Variants in CMSS1 observed in about 807,000 individuals in gnomAD.
CMSS1 encodes the protein cms1 ribosomal small subunit homolog.
In CMSS1, 33 loss-of-function variants were observed where a neutral mutation model predicts 43.5. That is an observed-to-expected ratio of 0.76 (90% CI 0.57 to 1.01). CMSS1 has a LOEUF of 1.01. Ranked by LOEUF, CMSS1 falls within the 50% of genes least tolerant of loss-of-function variation. CMSS1 has a pLI of 0.00. For missense variants in CMSS1, 313 were observed against 326.4 expected (o/e 0.96, Z 0.32); for synonymous variants, 115 against 117.2 (o/e 0.98, Z 0.12).
chr3:99,983,458 ATG>A (rs71132503), intron 1 of CMSS1, among the ~76,000 whole-genome samples: 2,366 of 15,622 alleles, frequency 0.15, 92 homozygotes, highest in South Asian at 0.23. Flanking sequence ...ATATATATAT[ATG>A]TGTGTATATA....
chr3:99,894,374 T>A (rs1706184091), intron 1 of CMSS1, among the ~76,000 whole-genome samples: 1 of 152,236 alleles, frequency 6.6e-6, no homozygotes, highest in South Asian at 2.1e-4. Context: ...GTGCCAGGTC[T>A]GGCCAGAGGT....
chr3:100,138,655 G>A (rs2066775951), intron 1 of CMSS1, among the ~76,000 whole-genome samples: 1 of 152,206 alleles, frequency 6.6e-6, no homozygotes, highest in African/African-American at 2.4e-5. Context: ...TCTCATGCAA[G>A]TCAGAATGGC....
intron 1 of CMSS1, among the ~76,000 whole-genome samples, chr3:99,959,682 A>T (rs1238618749): frequency 2.0e-5 from 3 of 152,212 alleles, no homozygotes; most frequent in Admixed American, 1.3e-4. Flanking sequence ...TGTAATAAAG[A>T]TGCTTATTTT....
chr3:99,847,079 A>G (rs1943397291), intron 1 of CMSS1, among the ~76,000 whole-genome samples: 2 of 152,222 alleles, frequency 1.3e-5, no homozygotes, highest in African/African-American at 4.8e-5. Context: ...TGTAAATGGC[A>G]TAATAATCAC....
At chr3:99,866,680 A>C (rs986279670) in intron 1 of CMSS1, among the ~76,000 whole-genome samples, 1 of 152,148 alleles carries the variant, frequency 6.6e-6, no homozygotes, top group Non-Finnish European at 1.5e-5. Context: ...CTGAGTAAAC[A>C]ATTAAATCAT....
intron 1 of CMSS1, among the ~76,000 whole-genome samples, chr3:99,861,375 G>A (rs1473919724): frequency 6.6e-6 from 1 of 152,222 alleles, no homozygotes; most frequent in African/African-American, 2.4e-5. Flanking sequence ...CTCAGCATGT[G>A]ATGCCTTGTA....
intron 1 of CMSS1, among the ~76,000 whole-genome samples, chr3:100,066,519 T>C (rs2065667051): frequency 6.9e-5 from 1 of 14,510 alleles, no homozygotes; most frequent in African/African-American, 2.0e-4. Flanking sequence ...CTTTGCTTCT[T>C]TTTTTTTTTT....
intron 1 of CMSS1, among the ~76,000 whole-genome samples, chr3:99,992,012 G>GTGTGTGTA (rs1553703657): frequency 6.9e-6 from 1 of 145,554 alleles, no homozygotes; most frequent in African/African-American, 2.5e-5. Flanking sequence ...ATGTGTGTGT[G>GTGTGTGTA]TATATATATA....
chr3:100,020,707 A>G (rs1188560566), intron 1 of CMSS1, among the ~76,000 whole-genome samples: 1 of 150,322 alleles, frequency 6.7e-6, no homozygotes, highest in Admixed American at 6.7e-5. Context: ...GCGAGTATAC[A>G]TGTTACTATT....
intron 1 of CMSS1, among the ~76,000 whole-genome samples, chr3:99,838,306 C>T (rs1942980919): frequency 6.6e-6 from 1 of 152,152 alleles, no homozygotes. Context: ...TCTCTTGTCA[C>T]CCTAACAGTG....
chr3:99,834,694 A>G (rs115008419), intron 1 of CMSS1, among the ~76,000 whole-genome samples: 2 of 150,164 alleles, frequency 1.3e-5, no homozygotes, highest in African/African-American at 4.9e-5. Flanking sequence ...TGTCTTTCTC[A>G]TTTCTTCATT....
chr3:100,107,294 G>A (rs1317144227), intron 1 of CMSS1, among the ~76,000 whole-genome samples: 1 of 152,162 alleles, frequency 6.6e-6, no homozygotes, highest in Non-Finnish European at 1.5e-5. Flanking sequence ...TTTAGGTCAT[G>A]ATTGCAGTTT....
At chr3:100,021,456 G>A (rs1036869517) in intron 1 of CMSS1, among the ~76,000 whole-genome samples, 3 of 152,012 alleles carry the variant, frequency 2.0e-5, no homozygotes, top group East Asian at 1.9e-4. Flanking sequence ...AACCCTTCCC[G>A]GAATTTCAGA....
chr3:99,963,036 C>T lies in CMSS1; in HGVS notation c.64+144993C>T, dbSNP rs182006594. Among the ~76,000 whole-genome samples, 8 of 152,304 alleles carry T rather than the reference C, an allele frequency of 5.3e-5. 1 individual carries two copies. Among genetic ancestry groups the T allele is most frequent in the South Asian group, 4.1e-4 (2 of 4,828 alleles). On this transcript the variant is annotated intron_variant, in intron 1 of 9. Transcript: ENST00000421999. ...AGGAGCTAGCCTGGGTTTTACCAGCCGTTGAGGTTGCTTGCAGCCTTAGTT... is the reference window on the plus strand; with the variant it reads ...AGGAGCTAGCCTGGGTTTTACCAGCTGTTGAGGTTGCTTGCAGCCTTAGTT...
intron 1 of CMSS1, among the ~76,000 whole-genome samples, chr3:100,100,990 G>A (rs947975885): frequency 2.0e-5 from 3 of 152,178 alleles, no homozygotes; most frequent in Admixed American, 2.0e-4. Context: ...AGAAGAAAGT[G>A]TGTGATGACA....
chr3:100,175,932 C>T (rs370838031), intron 8 of CMSS1, among the ~76,000 whole-genome samples: 14 of 152,318 alleles, frequency 9.2e-5, no homozygotes, highest in African/African-American at 3.4e-4. Context: ...CACTCACCTC[C>T]TGAGAGCCCT....
intron 1 of CMSS1, among the ~76,000 whole-genome samples, chr3:99,999,388 A>G (rs1033041204): frequency 1.3e-5 from 2 of 152,196 alleles, no homozygotes; most frequent in African/African-American, 2.4e-5. Flanking sequence ...TTGGTGTGCA[A>G]TAGTAGTTGT....
chr3:100,004,518 T>G (rs1397774581), intron 1 of CMSS1, among the ~76,000 whole-genome samples: 2 of 152,098 alleles, frequency 1.3e-5, no homozygotes, highest in Non-Finnish European at 2.9e-5. Flanking sequence ...AAAATCCCAT[T>G]AAATTTAGTT....
intron 1 of CMSS1, among the ~76,000 whole-genome samples, chr3:100,084,827 G>A (rs562999937): frequency 1.3e-5 from 2 of 152,218 alleles, no homozygotes; most frequent in East Asian, 1.9e-4. Context: ...TTTCACTTGC[G>A]TAGGTGGAAT....
Sources: allele counts gnomAD v4.1 joint callset (sites outside exome capture counted in the v4.1 genomes callset), GRCh38; gene constraint gnomAD v4.1.1; transcripts MANE v1.5; gene names NCBI Gene and HGNC (gene_info 2026-07-23, HGNC 2026-07-21).